Variants in NUDT6 observed in about 807,000 individuals in gnomAD.
NUDT6 encodes FAD diphosphatase NUDT6.
NUDT6 carries 24 observed loss-of-function variants against 36.8 expected under a neutral mutation model. The observed-to-expected ratio is 0.65, with a 90% CI of 0.47 to 0.92. The LOEUF is 0.92. Ranked by LOEUF, NUDT6 falls within the 40% of genes least tolerant of loss-of-function variation. NUDT6 has a pLI of 0.00. For missense variants in NUDT6, 388 were observed against 392.8 expected (o/e 0.99, Z 0.10); for synonymous variants, 163 against 157.0 (o/e 1.04, Z -0.29).
chr4:122,913,312 G>T (rs1038949696), intron 2 of NUDT6: 1 of 152,190 alleles, frequency 6.6e-6, no homozygotes, highest in African/African-American at 2.4e-5. Flanking sequence ...CTCACATAGT[G>T]AAAGGGGCAA....
chr4:122,917,607 G>A lies in NUDT6; in HGVS notation c.336C>T (p.Gly112=). 6.2e-7 allele frequency: 1 copy of A among 1,614,194 alleles called. No individual in the cohort carries two copies. Among genetic ancestry groups the A allele is most frequent in the African/African-American group, 1.3e-5 (1 of 75,054 alleles). ...SRFIAPAASL[G]FCFHHAESDS... ...CCGATTCTGCGTGGTGAAAGCAGAA[G>A]CCCAGGGAAGCAGCAGGGGCAATAA... The change falls in exon 2 of 5, where the codon GGC becomes GGT. Residue 112 remains glycine, a synonymous_variant. Coordinates refer to ENST00000304430, the MANE Select transcript of NUDT6 (RefSeq NM_007083.5).
At chr4:122,917,314 T>C (rs1578500303) in intron 2 of NUDT6, among the ~76,000 whole-genome samples, 187 bp downstream of exon 2, 1 of 152,246 alleles carries the variant, frequency 6.6e-6, no homozygotes, top group Non-Finnish European at 1.5e-5. Context: ...GGTTTGGTAC[T>C]ATCTGCGGTT....
chr4:122,916,254 C>A (rs1727837906), intron 2 of NUDT6, among the ~76,000 whole-genome samples: 1 of 152,122 alleles, frequency 6.6e-6, no homozygotes. Flanking sequence ...GATTTTGATG[C>A]AATCTACAAT....
chr4:122,900,978 G>C (rs1337651757), intron 3 of NUDT6, among the ~76,000 whole-genome samples: 2 of 152,106 alleles, frequency 1.3e-5, no homozygotes, highest in Non-Finnish European at 1.5e-5. Context: ...TAGCCTATGA[G>C]ATTATGTTTT....
intron 1 of NUDT6, chr4:122,920,732 T>A (rs1727957468): frequency 6.6e-6 from 1 of 152,176 alleles, no homozygotes; most frequent in Non-Finnish European, 1.5e-5. Context: ...ACAACACCTG[T>A]GTCTACCCAC....
rs905936248 is a variant in NUDT6 at position 122,899,904 on chromosome 4, A to C, written c.499-2226T>G. On this transcript the variant is annotated intron_variant, in intron 3 of 4. Transcript: ENST00000304430. ...ACAGATCACAGATATCCAATGAAAG[A>C]GCAGGCTGGGGACTGGGCCACTCAT... Among the ~76,000 whole-genome samples the C allele has an allele frequency of 8.5e-5, 13 of 152,126 alleles. 1 individual carries two copies. Among genetic ancestry groups the C allele is most frequent in the Admixed American group, 2.0e-4 (3 of 15,272 alleles).
chr4:122,896,882 G>A (rs1459758270), intron 4 of NUDT6: 1 of 151,918 alleles, frequency 6.6e-6, no homozygotes, highest in Non-Finnish European at 1.5e-5. Context: ...AAATAATATT[G>A]GTATCAAACA....
At chr4:122,909,638 C>T (rs1727693991) in intron 3 of NUDT6, among the ~76,000 whole-genome samples, 1 of 152,172 alleles carries the variant, frequency 6.6e-6, no homozygotes, top group Non-Finnish European at 1.5e-5. Context: ...CAGGCTGGTA[C>T]TACCACTTTA....
Position 122,907,582 on chromosome 4 carries a change from C to T in NUDT6, c.498+4986G>A, listed in dbSNP as rs577878094. Among the ~76,000 whole-genome samples the T allele has an allele frequency of 5.9e-5, 9 of 151,352 alleles. No homozygotes were observed. The East Asian group carries it at 1.4e-3, about 23-fold the overall frequency. On this transcript the variant is annotated intron_variant, in intron 3 of 4. Coordinates refer to ENST00000304430, the MANE Select transcript of NUDT6 (RefSeq NM_007083.5). ...TCTCCTGCCTCAGCTTCCTGAGTGG[C>T]GGGAACTACAGGCGCCCACCACCAC... is the stretch of plus-strand genomic sequence containing the variant.
At chr4:122,915,487 A>ACAAACCAAC (rs1389583994) in intron 2 of NUDT6, among the ~76,000 whole-genome samples, 1 of 139,434 alleles carries the variant, frequency 7.2e-6, no homozygotes. Flanking sequence ...AAAAAAAAAA[A>ACAAACCAAC]AAAAAAAAAA....
At chr4:122,904,286 T>G (rs1177040349) in intron 3 of NUDT6, among the ~76,000 whole-genome samples, 2 of 152,142 alleles carry the variant, frequency 1.3e-5, no homozygotes, top group African/African-American at 4.8e-5. Context: ...CCCCTTTTAT[T>G]AAGATGATAT....
chr4:122,922,209 G>A (rs1204649908), intron 1 of NUDT6, 126 bp downstream of exon 1: 23 of 737,368 alleles, frequency 3.1e-5, no homozygotes, highest in Non-Finnish European at 4.1e-5. Flanking sequence ...TCCAGGTCAC[G>A]CGTGCCTTCT....
intron 1 of NUDT6, chr4:122,920,537 C>G (rs1422852848): frequency 6.6e-6 from 1 of 152,208 alleles, no homozygotes; most frequent in Non-Finnish European, 1.5e-5. Context: ...GCGTTATTCA[C>G]AAAAAGCAAG....
chr4:122,917,234 G>A (rs1578500257), intron 2 of NUDT6, among the ~76,000 whole-genome samples: 1 of 151,978 alleles, frequency 6.6e-6, no homozygotes, highest in Non-Finnish European at 1.5e-5. Context: ...ATCTCTTACT[G>A]TGCCTAACTT....
intron 4 of NUDT6, 138 bp from the exon 5 acceptor site, chr4:122,893,363 C>A (rs1727249659): frequency 3.8e-6 from 3 of 793,670 alleles, no homozygotes; most frequent in Non-Finnish European, 5.5e-6. Flanking sequence ...AATACAAATT[C>A]TTTGCCTTGT....
At chr4:122,895,256 G>A (rs1578486804) in intron 4 of NUDT6, 1 of 152,234 alleles carries the variant, frequency 6.6e-6, no homozygotes, top group East Asian at 1.9e-4. Flanking sequence ...AAGCCAAACT[G>A]AAATAACATT....
intron 1 of NUDT6, chr4:122,918,708 C>T (rs900930194): frequency 1.3e-5 from 2 of 152,184 alleles, no homozygotes; most frequent in African/African-American, 4.8e-5. Context: ...GTTGCTGTGC[C>T]TAGCACAGTG....
At position 122,900,757 on chromosome 4, in the gene NUDT6, T is replaced by C. The variant is rs138820935; in HGVS notation, c.499-3079A>G. On this transcript the variant is annotated intron_variant, in intron 3 of 4. Transcript: ENST00000304430. ...TCTATGTAAATCCAATTAGATTCTGTGTCTTAGACTTACACTTTTCCAGGG... is the reference window on the plus strand; with the variant it reads ...TCTATGTAAATCCAATTAGATTCTGCGTCTTAGACTTACACTTTTCCAGGG... 2.7e-4 allele frequency among the ~76,000 whole-genome samples: 41 copies of C among 152,308 alleles called. No homozygotes were observed. The East Asian group carries it at 7.7e-3, about 29-fold the overall frequency.
At chr4:122,896,771 T>C (rs957271937) in intron 4 of NUDT6, 3 of 152,202 alleles carry the variant, frequency 2.0e-5, no homozygotes, top group African/African-American at 7.2e-5. Context: ...TACATGGACA[T>C]TTTTAAATAA....
Sources: allele counts gnomAD v4.1 joint callset (sites outside exome capture counted in the v4.1 genomes callset), GRCh38; gene constraint gnomAD v4.1.1; transcripts MANE v1.5; gene names NCBI Gene and HGNC (gene_info 2026-07-23, HGNC 2026-07-21).